Variants in FAM210A observed in about 807,000 individuals in gnomAD.
FAM210A encodes mitochondrial inner membrane scaffold 1.
FAM210A carries 13 observed loss-of-function variants against 25.3 expected under a neutral mutation model. The observed-to-expected ratio is 0.51, with a 90% CI of 0.33 to 0.82. FAM210A has a LOEUF of 0.82. Among genes scored for constraint, FAM210A ranks in the 40% least tolerant of loss-of-function variants. The pLI is 0.02. For synonymous variants in FAM210A, 125 were observed against 118.7 expected (o/e 1.05, Z -0.35); for missense variants, 319 against 323.2 (o/e 0.99, Z 0.10).
chr18:13,726,094 A>G (rs1031983973), intron 1 of FAM210A, among the ~76,000 whole-genome samples: 2 of 152,258 alleles, frequency 1.3e-5, no homozygotes, highest in Non-Finnish European at 2.9e-5. Flanking sequence ...AAGATTTGCC[A>G]GGACACTGGC....
chr18:13,695,629 T>G (rs1178817872), intron 1 of FAM210A, among the ~76,000 whole-genome samples: 1 of 148,450 alleles, frequency 6.7e-6, no homozygotes, highest in Non-Finnish European at 1.5e-5. Flanking sequence ...AAACCAAACA[T>G]CACATGTTCT....
chr18:13,708,843 C>G (rs557219727), intron 1 of FAM210A, among the ~76,000 whole-genome samples: 1 of 139,862 alleles, frequency 7.1e-6, no homozygotes, highest in South Asian at 2.2e-4. Flanking sequence ...TAGTTCAAAT[C>G]TAACAGTTTC....
intron 1 of FAM210A, among the ~76,000 whole-genome samples, chr18:13,682,722 A>T (rs1038847495): frequency 3.2e-4 from 49 of 152,214 alleles, no homozygotes; most frequent in Admixed American, 7.2e-4. Flanking sequence ...TACAAAAATT[A>T]GCCGGGAATG....
chr18:13,672,997 G>C (rs1178784889), intron 2 of FAM210A, among the ~76,000 whole-genome samples: 1 of 152,084 alleles, frequency 6.6e-6, no homozygotes, highest in South Asian at 2.1e-4. Flanking sequence ...CCTGAGACCC[G>C]ACTTCTTTTA....
chr18:13,674,978 C>T (rs1173184187), intron 2 of FAM210A, among the ~76,000 whole-genome samples: 2 of 149,524 alleles, frequency 1.3e-5, no homozygotes, highest in Non-Finnish European at 1.5e-5. Flanking sequence ...ATTCCTGAGC[C>T]CTGGCTTCTT....
chr18:13,709,034 T>G (rs2043802585), intron 1 of FAM210A, among the ~76,000 whole-genome samples: 1 of 152,158 alleles, frequency 6.6e-6, no homozygotes, highest in South Asian at 2.1e-4. Flanking sequence ...TGATAGTACA[T>G]CATCATATCT....
At chr18:13,713,751 C>CACACACACACACAT (rs1208787484) in intron 1 of FAM210A, among the ~76,000 whole-genome samples, 55 of 151,988 alleles carry the variant, frequency 3.6e-4, no homozygotes, top group Middle Eastern at 3.4e-3. Flanking sequence ...CACACACACA[C>CACACACACACACAT]ACGTTTAGAG....
At chr18:13,670,850 G>T in intron 3 of FAM210A, 1 of 152,472 alleles carries the variant, frequency 6.6e-6, no homozygotes, top group Non-Finnish European at 1.5e-5. Flanking sequence ...TACAAAATTA[G>T]CCAGGCATGG....
At chr18:13,700,087 T>C (rs973195117) in intron 1 of FAM210A, among the ~76,000 whole-genome samples, 20 of 152,138 alleles carry the variant, frequency 1.3e-4, no homozygotes, top group Admixed American at 3.9e-4. Context: ...ACTGTCTTAT[T>C]TGAGTTAAGA....
intron 1 of FAM210A, among the ~76,000 whole-genome samples, chr18:13,688,250 C>G (rs939110367): frequency 2.0e-5 from 3 of 152,284 alleles, no homozygotes; most frequent in East Asian, 1.9e-4. Flanking sequence ...CGTGTGTGCC[C>G]GCTCTCTCCC....
chr18:13,693,808 T>A (rs1194606844), intron 1 of FAM210A, among the ~76,000 whole-genome samples: 1 of 152,216 alleles, frequency 6.6e-6, no homozygotes, highest in African/African-American at 2.4e-5. Context: ...AGCATTCCCT[T>A]TGAAAAGTGG....
chr18:13,672,113 T>A, intron 2 of FAM210A, 140 bp from the exon 3 acceptor site: 1 of 574,880 alleles, frequency 1.7e-6, no homozygotes, highest in Non-Finnish European at 3.1e-6. Context: ...GCACTTTACC[T>A]TCACTCTAAG....
In FAM210A at chr18:13,663,531, C is replaced by T. The variant is rs1043444204; in HGVS notation, c.*2949G>A. ...GCTCTTATTCCTGAATAAACTAAGT[C>T]TCTCACCTAATCCATCTTTCATTTC... On this transcript the variant is annotated 3_prime_UTR_variant, in exon 4 of 4. Transcript: ENST00000651643. The T allele has an allele frequency of 6.6e-6, 1 of 152,146 alleles. No individual in the cohort carries two copies. The highest frequency in any genetic ancestry group is 2.4e-5 in the African/African-American group (1 of 41,424). The allele number at this position is 152,146 out of a possible 1,614,324, so 9.4% of individuals were successfully genotyped here. A position where few individuals can be genotyped will look rare whatever the true frequency, so the allele number is the denominator to read the frequency against.
At chr18:13,674,121 C>T (rs76651483) in intron 2 of FAM210A, among the ~76,000 whole-genome samples, 9 of 144,052 alleles carry the variant, frequency 6.2e-5, no homozygotes, top group African/African-American at 9.9e-5. Flanking sequence ...TGATTATTAA[C>T]ATTCCTGAGC....
chr18:13,715,715 A>C (rs2043856736), intron 1 of FAM210A, among the ~76,000 whole-genome samples: 1 of 152,214 alleles, frequency 6.6e-6, no homozygotes, highest in Admixed American at 6.5e-5. Context: ...TAATGGAAAA[A>C]AGTATATTTT....
chr18:13,671,401 C>A (rs182028739), intron 3 of FAM210A, among the ~76,000 whole-genome samples: 1 of 152,262 alleles, frequency 6.6e-6, no homozygotes, highest in East Asian at 1.9e-4. Flanking sequence ...ATAATTATAT[C>A]TCCATTTATC....
intron 1 of FAM210A, among the ~76,000 whole-genome samples, chr18:13,688,089 C>T (rs2043611750): frequency 6.6e-6 from 1 of 152,084 alleles, no homozygotes; most frequent in Admixed American, 6.6e-5. Context: ...TTCCCATGTA[C>T]AGAACAAAGA....
chr18:13,706,158 C>T (rs752009274), intron 1 of FAM210A, among the ~76,000 whole-genome samples: 15 of 152,140 alleles, frequency 9.9e-5, no homozygotes, highest in Non-Finnish European at 2.1e-4. Context: ...GGTCCCTCCA[C>T]AATCTTGGAA....
intron 1 of FAM210A, among the ~76,000 whole-genome samples, chr18:13,717,118 G>A (rs999416524): frequency 6.6e-6 from 1 of 152,166 alleles, no homozygotes; most frequent in Non-Finnish European, 1.5e-5. Context: ...GGTGGATAGA[G>A]AGCATCCAAT....
Sources: gnomAD v4.1 joint callset for allele counts (sites outside exome capture counted in the v4.1 genomes callset) on GRCh38, gnomAD v4.1.1 for gene constraint, MANE v1.5 for transcripts, NCBI Gene and HGNC (gene_info 2026-07-23, HGNC 2026-07-21) for gene names.